Variants in MBD1 observed in about 807,000 individuals in gnomAD.
MBD1 encodes the protein methyl-CpG binding domain protein 1, also known as methyl-CpG-binding domain protein 1.
A neutral mutation model predicts 82.6 loss-of-function variants in MBD1; 25 were observed. That is an observed-to-expected ratio of 0.30 (90% CI 0.22 to 0.42). The LOEUF (loss-of-function observed/expected upper bound fraction) is 0.42. MBD1 is among the 10% of genes least tolerant of loss of function. The pLI is 1.00. For missense variants in MBD1, 627 were observed against 819.6 expected (o/e 0.76, Z 2.87); for synonymous variants, 301 against 303.7 (o/e 0.99, Z 0.09).
At chr18:50,280,594 T>C (rs973262376) in intron 1 of MBD1, among the ~76,000 whole-genome samples, 11 of 151,948 alleles carry the variant, frequency 7.2e-5, no homozygotes, top group African/African-American at 2.2e-4. Context: ...AACCTCGACT[T>C]CCTCTGCGAG....
chr18:50,272,195 G>C (rs977197341), intron 15 of MBD1, among the ~76,000 whole-genome samples: 1 of 152,104 alleles, frequency 6.6e-6, no homozygotes. Context: ...AAGCCAGCTC[G>C]GAACCCAGAT....
In MBD1 at chr18:50,273,543, A is replaced by T. The variant is rs201159733; in HGVS notation, c.1446+21T>A. ...TGCAGCTGGGTGAGGCTGGGAAGGC[A>T]GGACAGGGTGGGGCCCTCACCTGCA... On this transcript the variant is annotated intron_variant, in intron 12 of 16. Transcript: ENST00000269468. The T allele has an allele frequency of 2.7e-4, 430 of 1,613,240 alleles. 1 individual carries two copies. The African/African-American group carries it at 5.3e-3, about 20-fold the overall frequency.
At position 50,275,877 on chromosome 18, in the gene MBD1, G is replaced by A. The variant is rs1427132184; in HGVS notation, c.621C>T (p.Phe207=). Residue 207 remains phenylalanine (F), a synonymous_variant, in exon 7 of 17, where the codon TTC becomes TTT. Coordinates refer to ENST00000269468, the MANE Select transcript of MBD1 (RefSeq NM_015846.4). ...GGCAGCGTCTCCGTTCACACTTGCA[G>A]AACAGCCCCGATGCCACATCATGGG... is the stretch of plus-strand genomic sequence containing the variant. ...QLPHDVASGL[F]CKCERRRCLR... 1 of 1,614,208 alleles carries A rather than the reference G, an allele frequency of 6.2e-7. No homozygotes were observed. Among genetic ancestry groups the A allele is most frequent in the Admixed American group, 1.7e-5 (1 of 60,028 alleles).
chr18:50,269,593 C>G lies in MBD1; in HGVS notation c.*258G>C, dbSNP rs753182577. Reference sequence around the variant, plus strand: ...CTGCTCCACCTTCCCCAGGATCATCCTTTCAGCTTCTCTAATTCCTGGGCC... The same window carrying G: ...CTGCTCCACCTTCCCCAGGATCATCGTTTCAGCTTCTCTAATTCCTGGGCC... On this transcript the variant is annotated 3_prime_UTR_variant, in exon 17 of 17. Transcript: ENST00000269468. 4.2e-6 allele frequency: 3 copies of G among 718,894 alleles called. No homozygotes were observed. In the African/African-American group the frequency reaches 5.2e-5, roughly 13 times the overall value. 44.5% of individuals were successfully genotyped at this position (718,894 alleles called of 1,614,324 possible).
chr18:50,267,986 A>G (rs192420959), downstream of MBD1, among the ~76,000 whole-genome samples: 8 of 152,286 alleles, frequency 5.3e-5, no homozygotes, highest in East Asian at 1.5e-3. Flanking sequence ...GTTCTTTTCT[A>G]TAACGGTTCT....
In MBD1 at chr18:50,275,006, T is replaced by C. The variant is rs766976488; in HGVS notation, c.949A>G (p.Ile317Val). ...ALAPSPPAEF[I>V]YYCVDEDELQ... ...TCGTCCTCGTCTACACAGTAATAGA[T>C]GAACTCGGCAGGTGGCGAGGGGGCC... Residue 317 changes from isoleucine to valine, a missense_variant, in exon 10 of 17, where the codon ATC (isoleucine) becomes GTC (valine). This residue lies in a region of MBD1 where 228 missense variants were observed against 318.1 expected (regional missense o/e 0.72). Transcript: ENST00000269468. 8.2e-5 allele frequency: 132 copies of C among 1,614,086 alleles called. No individual in the cohort carries two copies. The highest frequency in any genetic ancestry group is 9.1e-5 in the Non-Finnish European group (107 of 1,180,046).
At chr18:50,267,657 G>C (rs1353465903), downstream of MBD1, 1 of 1,535,762 alleles carries the variant, frequency 6.5e-7, no homozygotes. Flanking sequence ...GAGCAAGGTG[G>C]TAATACCTAA....
chr18:50,281,424 C>T lies in MBD1; in HGVS notation c.-87G>A, dbSNP rs2040230563. The T allele has an allele frequency of 3.3e-6, 2 of 599,992 alleles. No individual in the cohort carries two copies. The highest frequency in any genetic ancestry group is 3.0e-6 in the Non-Finnish European group (1 of 336,204). The allele number at this position is 599,992 out of a possible 1,614,324, so 37.2% of individuals were successfully genotyped here. On this transcript the variant is annotated 5_prime_UTR_variant, in exon 1 of 17. Transcript: ENST00000269468. ...GGCCCGTGGACCCATGGCGAGGGTC[C>T]CTCCTGCACCTCCCGCCTCGCCCTC...
chr18:50,269,028 C>T lies in MBD1; in HGVS notation c.*823G>A. Reference sequence around the variant, plus strand: ...CATGATAAAGTTGGAAATCCATTCACCATTTGTAATACATATTGATGCATT... The same window carrying T: ...CATGATAAAGTTGGAAATCCATTCATCATTTGTAATACATATTGATGCATT... On this transcript the variant is annotated 3_prime_UTR_variant, in exon 17 of 17. Transcript: ENST00000269468. 2 of 985,844 alleles carry T rather than the reference C, an allele frequency of 2.0e-6. No homozygotes were observed. The highest frequency in any genetic ancestry group is 2.4e-6 in the Non-Finnish European group (2 of 830,238). The allele number at this position is 985,844 out of a possible 1,614,324, so 61.1% of individuals were successfully genotyped here.
At position 50,276,411 on chromosome 18, in the gene MBD1, T is replaced by C. The variant is rs149471588; in HGVS notation, c.483A>G (p.Arg161=). 2.2e-5 allele frequency: 36 copies of C among 1,613,994 alleles called. No individual in the cohort carries two copies. Among genetic ancestry groups the C allele is most frequent in the Non-Finnish European group, 3.1e-5 (36 of 1,180,004 alleles). ...TTCTCTGTTCCCGGTTGAAGGCAATTCTCTGTGCTGTGGGGAGGAAGAGGG... is the reference window on the plus strand; with the variant it reads ...TTCTCTGTTCCCGGTTGAAGGCAATCCTCTGTGCTGTGGGGAGGAAGAGGG... ...KTLCKDCRAQ[R]IAFNREQRMF... The change falls in exon 6 of 17, where the codon AGA becomes AGG. Residue 161 remains arginine, a synonymous_variant. Transcript: ENST00000269468.
intron 8 of MBD1, 156 bp downstream of exon 8, chr18:50,275,444 G>A (rs755497414): frequency 2.5e-6 from 4 of 1,600,978 alleles, no homozygotes; most frequent in African/African-American, 2.7e-5. Context: ...TGAGCAAGGT[G>A]CTGGCAGACA....
At chr18:50,270,805 G>A (rs79159284) in intron 16 of MBD1, 373 of 172,680 alleles carry the variant, frequency 2.2e-3, no homozygotes, top group African/African-American at 8.3e-3. Context: ...GTGTTTTCAA[G>A]GTCACCGAAA....
chr18:50,277,456 G>A (rs571952029), intron 2 of MBD1, among the ~76,000 whole-genome samples: 1 of 151,524 alleles, frequency 6.6e-6, no homozygotes, highest in Non-Finnish European at 1.5e-5. Flanking sequence ...AGTAATACTG[G>A]AACTATTTCA....
chr18:50,269,645 G>T lies in MBD1; in HGVS notation c.*206C>A. 1.3e-6 allele frequency: 1 copy of T among 744,502 alleles called. No individual in the cohort carries two copies. 46.1% of individuals were successfully genotyped at this position (744,502 alleles called of 1,614,324 possible). A position where few individuals can be genotyped will look rare whatever the true frequency, so the allele number is the denominator to read the frequency against. On this transcript the variant is annotated 3_prime_UTR_variant, in exon 17 of 17. Coordinates refer to ENST00000269468, the MANE Select transcript of MBD1 (RefSeq NM_015846.4). ...GATGCATATTTAACTCTGTGAGGAA[G>T]GGCACCAGCTTCTTCTGCAGGACAC...
intron 16 of MBD1, chr18:50,270,973 A>C (rs1455545599): frequency 1.1e-6 from 1 of 931,860 alleles, no homozygotes; most frequent in Non-Finnish European, 1.3e-6. Context: ...AAATGGACAA[A>C]ATCAATGTCT....
At chr18:50,269,967 T>C in intron 16 of MBD1, 149 bp from the exon 17 acceptor site, 2 of 1,559,180 alleles carry the variant, frequency 1.3e-6, no homozygotes, top group Non-Finnish European at 1.8e-6. Flanking sequence ...GCTCCTCTGA[T>C]TGTACCCTAA....
chr18:50,272,940 G>A lies in MBD1; in HGVS notation c.1600C>T (p.Leu534=), dbSNP rs548002333. The A allele has an allele frequency of 1.9e-6, 3 of 1,614,170 alleles. No homozygotes were observed. The South Asian group carries it at 3.3e-5, about 18-fold the overall frequency. ...GCPSKAVDPG[L]PSVKQEPPDP... is the part of the protein sequence containing the mutation. ...GGTGGCTCTTGCTTCACAGAAGGCAGGCCTGGGTCTACTGCCTGGGAGAAG... is the reference window on the plus strand; with the variant it reads ...GGTGGCTCTTGCTTCACAGAAGGCAAGCCTGGGTCTACTGCCTGGGAGAAG... The change falls in exon 14 of 17, where the codon CTG becomes TTG. Residue 534 remains leucine (L), a synonymous_variant. Coordinates refer to ENST00000269468, the MANE Select transcript of MBD1 (RefSeq NM_015846.4).
rs926203824 is a variant in MBD1, at chr18:50,276,959, G to T, written c.265C>A (p.Pro89Thr). The T allele has an allele frequency of 6.2e-6, 10 of 1,614,108 alleles. No individual in the cohort carries two copies. The highest frequency in any genetic ancestry group is 8.5e-6 in the Non-Finnish European group (10 of 1,180,062). ...TTCCGAGTCTTGGCTGGCCTTGAAGGCTTCTTTCGCTTCTTGCTGGCAACC... is the reference window on the plus strand; with the variant it reads ...TTCCGAGTCTTGGCTGGCCTTGAAGTCTTCTTTCGCTTCTTGCTGGCAACC... ...VAVASKKRKK[P>T]SRPAKTRKRQ... The change falls in exon 4 of 17, where the codon CCT becomes ACT. Residue 89 changes from proline to threonine, a missense_variant. Physicochemically the swap from Pro to Thr is conservative, Grantham distance 38. Around this residue, in one of 6 missense-constraint regions of MBD1, gnomAD observed 75 missense variants for 74.7 expected, o/e 1.00. Coordinates refer to ENST00000269468, the MANE Select transcript of MBD1 (RefSeq NM_015846.4).
rs2035374252 is a variant in MBD1 at position 50,271,223 on chromosome 18, C to T, written c.*32+246G>A. On this transcript the variant is annotated intron_variant, in intron 16 of 16. Coordinates refer to ENST00000269468, the MANE Select transcript of MBD1 (RefSeq NM_015846.4). ...CCTTTCTCCAACCCAGCTCCCCCAC[C>T]CTTAAAATCCAACTTCTTATACTCA... is the stretch of plus-strand genomic sequence containing the variant. The T allele has an allele frequency of 7.3e-6, 10 of 1,362,510 alleles. No individual in the cohort carries two copies. The South Asian group carries it at 9.9e-5, about 13-fold the overall frequency. The allele number at this position is 1,362,510 out of a possible 1,614,324, so 84.4% of individuals were successfully genotyped here.
Sources: gnomAD v4.1 joint callset for allele counts (sites outside exome capture counted in the v4.1 genomes callset) on GRCh38, gnomAD v4.1.1 for gene constraint, gnomAD v4.1.1 regional missense constraint, MANE v1.5 for transcripts, NCBI Gene and HGNC (gene_info 2026-07-23, HGNC 2026-07-21) for gene names.